RPS6KL1: variants seen among roughly 807,000 people sequenced by gnomAD.
RPS6KL1 encodes the protein ribosomal protein S6 kinase like 1, also known as ribosomal protein S6 kinase-like 1.
In RPS6KL1, 41 loss-of-function variants were observed where a neutral mutation model predicts 57.0. That is an observed-to-expected ratio of 0.72 (90% CI 0.56 to 0.93). The LOEUF is 0.93. Among genes scored for constraint, RPS6KL1 ranks in the 40% least tolerant of loss-of-function variants. The probability of loss-of-function intolerance (pLI) is 0.00; values close to 1 mark genes in which losing one functional copy is unlikely to be tolerated. For missense variants in RPS6KL1, 697 were observed against 727.7 expected (o/e 0.96, Z 0.49); for synonymous variants, 287 against 309.7 (o/e 0.93, Z 0.77).
At chr14:74,918,440 G>A (rs1887229056) in intron 5 of RPS6KL1, 73 bp downstream of exon 5, 2 of 1,103,416 alleles carry the variant, frequency 1.8e-6, no homozygotes, top group Non-Finnish European at 2.6e-6. Context: ...AGCATATCAT[G>A]TCTCTCTCCC....
intron 11 of RPS6KL1, 140 bp from the exon 12 acceptor site, chr14:74,907,264 A>G: frequency 4.4e-6 from 6 of 1,378,464 alleles, no homozygotes; most frequent in South Asian, 4.2e-5. Context: ...TACCCTGGGA[A>G]CATTGGTGGT....
At chr14:74,911,635 ATG>A (rs1886010385) in intron 6 of RPS6KL1, 157 bp downstream of exon 6, 2 of 718,492 alleles carry the variant, frequency 2.8e-6, no homozygotes, top group Non-Finnish European at 2.4e-6. Context: ...GTGTGCATGC[ATG>A]TGTGTCCATC....
At position 74,911,339 on chromosome 14, in the gene RPS6KL1, G is replaced by A; in HGVS notation, c.573C>T (p.Thr191=). 1.2e-6 allele frequency: 2 copies of A among 1,610,904 alleles called. No individual in the cohort carries two copies. The highest frequency in any genetic ancestry group is 1.7e-6 in the Non-Finnish European group (2 of 1,179,888). Residue 191 remains threonine (T), a synonymous_variant, in exon 7 of 12, where the codon ACC becomes ACT. Transcript: ENST00000557413. ...TGTAGGGGACTCCGTGTGGGATGAT[G>A]GTCAGCCGCTCCCTGCTCACCATGT... ...RCHMVSRERL[T]IIPHGVPYMT...
rs1307490403 is a variant in RPS6KL1 at position 74,922,254 on chromosome 14, C to T, written c.-297G>A. 3 of 985,864 alleles carry T rather than the reference C, an allele frequency of 3.0e-6. No homozygotes were observed. Among genetic ancestry groups the T allele is most frequent in the African/African-American group, 1.7e-5 (1 of 57,250 alleles). The allele number at this position is 985,864 out of a possible 1,614,324, so 61.1% of individuals were successfully genotyped here. ...GCATTCAGCACATGGAGGCCACACA[C>T]GCTGGGCTCAAATGCTGTTCCTCAT... is the stretch of plus-strand genomic sequence containing the variant. On this transcript the variant is annotated 5_prime_UTR_variant, in exon 2 of 12. The change creates a new upstream start codon in the 5' untranslated region. Coordinates refer to ENST00000557413, the MANE Select transcript of RPS6KL1 (RefSeq NM_031464.5).
intron 5 of RPS6KL1, among the ~76,000 whole-genome samples, chr14:74,916,704 C>A (rs1045769870): frequency 7.2e-5 from 11 of 151,938 alleles, no homozygotes; most frequent in Admixed American, 5.2e-4. Flanking sequence ...AATGGTTGGG[C>A]TTGGCTTTAA....
chr14:74,907,822 C>T (rs1008146487), intron 10 of RPS6KL1, among the ~76,000 whole-genome samples: 1 of 152,208 alleles, frequency 6.6e-6, no homozygotes, highest in Non-Finnish European at 1.5e-5. Flanking sequence ...GCAATCAGGG[C>T]AGGCACTCTT....
intron 3 of RPS6KL1, 150 bp downstream of exon 3, chr14:74,921,127 A>G: frequency 1.5e-6 from 1 of 664,224 alleles, no homozygotes; most frequent in Non-Finnish European, 2.6e-6. Context: ...AGTGCCAGCT[A>G]TCATTGTCTT....
chr14:74,907,558 A>T (rs1453082836), intron 10 of RPS6KL1, 28 bp from the exon 11 acceptor site: 2 of 1,549,462 alleles, frequency 1.3e-6, no homozygotes, highest in Non-Finnish European at 1.7e-6. Flanking sequence ...AGGGCCTCTG[A>T]GGAGGCAACC....
In RPS6KL1 at chr14:74,907,525, C is replaced by T. The variant is rs1566809915; in HGVS notation, c.1449G>A (p.Leu483=). The T allele has an allele frequency of 1.9e-6, 3 of 1,574,674 alleles. No homozygotes were observed. Among genetic ancestry groups the T allele is most frequent in the Admixed American group, 3.7e-5 (2 of 53,982 alleles). The change falls in exon 11 of 12, where the codon CTG becomes CTA. Residue 483 remains leucine, a synonymous_variant. Transcript: ENST00000557413. ...LLYELLTGMA[L]SQSHPSGIQA... is the part of the protein sequence containing the mutation. ...GGATTCCTGAAGGGTGGCTCTGGGA[C>T]AGTGCCTGGGAGGACACAGGGAAGG... is the stretch of plus-strand genomic sequence containing the variant.
chr14:74,905,197 G>A lies in RPS6KL1; in HGVS notation c.*1817C>T, dbSNP rs1884572724. Reference sequence around the variant, plus strand: ...AACAAAGTGTCAGATGTGTAGCTTTGGGTGGATGAAGCACAGAAGTTCCAG... The same window carrying A: ...AACAAAGTGTCAGATGTGTAGCTTTAGGTGGATGAAGCACAGAAGTTCCAG... On this transcript the variant is annotated 3_prime_UTR_variant, in exon 12 of 12. Transcript: ENST00000557413. 1.3e-5 allele frequency: 2 copies of A among 152,124 alleles called. No individual in the cohort carries two copies. The highest frequency in any genetic ancestry group is 1.3e-4 in the Admixed American group (2 of 15,272). The allele number at this position is 152,124 out of a possible 1,614,324, so 9.4% of individuals were successfully genotyped here.
At position 74,911,830 on chromosome 14, in the gene RPS6KL1, G is replaced by A; in HGVS notation, c.495C>T (p.Val165=). The change falls in exon 6 of 12, where the codon GTC becomes GTT. Residue 165 remains valine (V), a synonymous_variant. Transcript: ENST00000557413. Reference sequence around the variant, plus strand: ...AGGTCCCTCCGGTTGCCGGGTCCTGGACCAGCTGCACCTGCCAAAGTCCAA... The same window carrying A: ...AGGTCCCTCCGGTTGCCGGGTCCTGAACCAGCTGCACCTGCCAAAGTCCAA... The part of the protein sequence containing the change: ...VVGVIEKVQL[V]QDPATGGTFV... The A allele has an allele frequency of 6.4e-7, 1 of 1,552,854 alleles. No individual in the cohort carries two copies. The highest frequency in any genetic ancestry group is 1.2e-5 in the South Asian group (1 of 84,124).
intron 5 of RPS6KL1, among the ~76,000 whole-genome samples, chr14:74,913,659 C>T (rs1230631360): frequency 6.6e-6 from 1 of 152,224 alleles, no homozygotes; most frequent in Non-Finnish European, 1.5e-5. Context: ...CACATGGCCT[C>T]TCTGAACCTT....
chr14:74,921,230 C>T (rs1300647505), intron 3 of RPS6KL1, 47 bp downstream of exon 3: 1 of 1,241,400 alleles, frequency 8.1e-7, no homozygotes, highest in Non-Finnish European at 1.2e-6. Flanking sequence ...GAGCCCTGCA[C>T]TGGCCCTTCC....
At chr14:74,908,726 G>C in intron 10 of RPS6KL1, 124 bp downstream of exon 10, 1 of 812,026 alleles carries the variant, frequency 1.2e-6, no homozygotes, top group Non-Finnish European at 2.1e-6. Context: ...CCCTGGCTTC[G>C]GGGGCAGTTG....
In RPS6KL1 at chr14:74,921,661, C is replaced by T. The variant is rs1453352042; in HGVS notation, c.-20-100G>A. ...GAATGTCAGGGAGACTCATATTCAC[C>T]TCCAAAGACTGAAGGGGTCAGAGCT... On this transcript the variant is annotated intron_variant, in intron 2 of 11. Transcript: ENST00000557413. 2.0e-6 allele frequency: 3 copies of T among 1,475,418 alleles called. No homozygotes were observed. In the Admixed American group the frequency reaches 6.5e-5, roughly 32 times the overall value. The allele number at this position is 1,475,418 out of a possible 1,614,324, so 91.4% of individuals were successfully genotyped here. A position where few individuals can be genotyped will look rare whatever the true frequency, so the allele number is the denominator to read the frequency against.
At chr14:74,920,063 T>C in intron 3 of RPS6KL1, 94 bp from the exon 4 acceptor site, 1 of 1,495,342 alleles carries the variant, frequency 6.7e-7, no homozygotes, top group African/African-American at 1.4e-5. Context: ...TCCCAAGGAG[T>C]GAGCTCCTGT....
At chr14:74,911,746 G>T in intron 6 of RPS6KL1, 48 bp downstream of exon 6, 1 of 1,524,886 alleles carries the variant, frequency 6.6e-7, no homozygotes, top group Non-Finnish European at 8.9e-7. Context: ...AGAGCCCTGA[G>T]AAAGATCCAA....
chr14:74,911,099 T>C, intron 7 of RPS6KL1, 149 bp downstream of exon 7: 2 of 710,714 alleles, frequency 2.8e-6, no homozygotes, highest in Non-Finnish European at 5.0e-6. Context: ...CTTGAACTCC[T>C]GACCTCAGTT....
chr14:74,919,040 T>A (rs1310253845), intron 4 of RPS6KL1, among the ~76,000 whole-genome samples: 1 of 152,196 alleles, frequency 6.6e-6, no homozygotes, highest in Non-Finnish European at 1.5e-5. Flanking sequence ...CCGAGCATGG[T>A]GGCGCCTGCC....
Sources: gnomAD v4.1 joint callset for allele counts (sites outside exome capture counted in the v4.1 genomes callset) on GRCh38, gnomAD v4.1.1 for gene constraint, MANE v1.5 for transcripts, NCBI Gene and HGNC (gene_info 2026-07-23, HGNC 2026-07-21) for gene names.